Variants in STPG2 observed in about 807,000 individuals in gnomAD.
The protein encoded by STPG2 is sperm tail PG-rich repeat containing 2.
Under a neutral mutation model 54.2 loss-of-function variants are expected in STPG2, and 56 were observed. The observed-to-expected ratio is 1.03, with a 90% confidence interval of 0.83 to 1.29. The LOEUF is 1.29. Ranked by LOEUF, STPG2 falls within the 50% of genes most tolerant of loss-of-function variation. STPG2 has a pLI of 0.00. For synonymous variants in STPG2, 200 were observed against 181.8 expected (o/e 1.10, Z -0.81); for missense variants, 596 against 544.9 (o/e 1.09, Z -0.93).
At chr4:97,458,551 C>T (rs1729583244) in intron 4 of STPG2, among the ~76,000 whole-genome samples, 1 of 152,042 alleles carries the variant, frequency 6.6e-6, no homozygotes, top group Admixed American at 6.5e-5. Context: ...TTGCTTAAAA[C>T]TTTTCAGTCA....
intron 10 of STPG2, among the ~76,000 whole-genome samples, chr4:97,583,836 A>AAT (rs1339078149): frequency 1.3e-5 from 2 of 151,980 alleles, no homozygotes; most frequent in Admixed American, 6.6e-5. Context: ...CATAATCCTA[A>AAT]ATATATATGC....
intron 9 of STPG2, among the ~76,000 whole-genome samples, chr4:97,827,062 A>G (rs775951072): frequency 3.3e-5 from 5 of 152,288 alleles, no homozygotes; most frequent in Admixed American, 6.5e-5. Flanking sequence ...AGAGGAAAAA[A>G]CTTAGAGGAA....
At chr4:97,608,889 A>G (rs1733660174) in intron 10 of STPG2, among the ~76,000 whole-genome samples, 1 of 152,188 alleles carries the variant, frequency 6.6e-6, no homozygotes, top group African/African-American at 2.4e-5. Flanking sequence ...CATGAATTTC[A>G]GTGTACCAGA....
chr4:97,958,843 G>A (rs1362941436), intron 7 of STPG2, among the ~76,000 whole-genome samples: 2 of 152,064 alleles, frequency 1.3e-5, no homozygotes, highest in East Asian at 1.9e-4. Flanking sequence ...AAGAAACAAT[G>A]GATTTAAACT....
At chr4:97,608,124 G>T (rs1053983070) in intron 10 of STPG2, among the ~76,000 whole-genome samples, 6 of 151,986 alleles carry the variant, frequency 3.9e-5, no homozygotes, top group African/African-American at 1.4e-4. Flanking sequence ...CTGGAGAAAG[G>T]AAGGAAAAAC....
At chr4:97,945,200 C>T (rs951984200) in intron 7 of STPG2, among the ~76,000 whole-genome samples, 1 of 152,048 alleles carries the variant, frequency 6.6e-6, no homozygotes, top group Non-Finnish European at 1.5e-5. Flanking sequence ...TTTTATCCCC[C>T]TATTCTCCTC....
At chr4:97,799,565 T>C (rs1352387378) in intron 9 of STPG2, among the ~76,000 whole-genome samples, 7 of 152,234 alleles carry the variant, frequency 4.6e-5, no homozygotes, top group African/African-American at 1.7e-4. Context: ...GTTAGTCTGA[T>C]GGGCTTCCCT....
chr4:98,001,735 T>A (rs2149276119), intron 5 of STPG2, among the ~76,000 whole-genome samples: 1 of 152,292 alleles, frequency 6.6e-6, no homozygotes, highest in Non-Finnish European at 1.5e-5. Context: ...AGGAGCAGCA[T>A]TTAATCAGCC....
intron 9 of STPG2, among the ~76,000 whole-genome samples, chr4:97,716,332 G>C (rs1348969244): frequency 1.3e-5 from 2 of 152,030 alleles, no homozygotes; most frequent in Non-Finnish European, 2.9e-5. Flanking sequence ...ATTTGACCCA[G>C]CAATCCCATT....
chr4:98,076,011 C>T (rs939333050), intron 5 of STPG2, among the ~76,000 whole-genome samples: 4 of 152,024 alleles, frequency 2.6e-5, no homozygotes, highest in African/African-American at 9.7e-5. Context: ...TTGGGAGGCC[C>T]AGGCGGGCAG....
At chr4:98,029,466 G>A (rs1440822493) in intron 5 of STPG2, among the ~76,000 whole-genome samples, 2 of 151,858 alleles carry the variant, frequency 1.3e-5, no homozygotes, top group Non-Finnish European at 2.9e-5. Context: ...ATTCTTATAT[G>A]TATTTTATCT....
At chr4:97,469,646 A>T (rs1729875273) in intron 4 of STPG2, among the ~76,000 whole-genome samples, 1 of 151,892 alleles carries the variant, frequency 6.6e-6, no homozygotes, top group African/African-American at 2.4e-5. Flanking sequence ...ATGAGATATA[A>T]AATTAGTTGT....
intron 10 of STPG2, among the ~76,000 whole-genome samples, chr4:97,708,136 G>T (rs1181017671): frequency 2.6e-5 from 4 of 151,984 alleles, no homozygotes; most frequent in Admixed American, 2.6e-4. Flanking sequence ...ACATGAAAGT[G>T]CAACTCATCT....
At chr4:97,838,712 T>A (rs1016114640) in intron 9 of STPG2, among the ~76,000 whole-genome samples, 1 of 151,506 alleles carries the variant, frequency 6.6e-6, no homozygotes, top group African/African-American at 2.4e-5. Context: ...CTAAATCTAT[T>A]TTAGAGCAAA....
chr4:97,719,032 ATGTTGAAC>A (rs948245008), intron 9 of STPG2, among the ~76,000 whole-genome samples: 2 of 151,982 alleles, frequency 1.3e-5, no homozygotes, highest in African/African-American at 4.8e-5. Context: ...CAGATTAGGG[ATGTTGAAC>A]TGTTGAGTAT....
intron 9 of STPG2, among the ~76,000 whole-genome samples, chr4:97,791,235 G>A (rs1454154573): frequency 1.3e-5 from 2 of 152,100 alleles, no homozygotes; most frequent in African/African-American, 4.8e-5. Flanking sequence ...ATATTGTATA[G>A]TTCAAACATA....
At chr4:97,624,544 G>T (rs369888354) in intron 10 of STPG2, among the ~76,000 whole-genome samples, 5 of 152,142 alleles carry the variant, frequency 3.3e-5, no homozygotes, top group African/African-American at 1.2e-4. Context: ...AGGTGGATAG[G>T]TTGCAAAAAA....
chr4:97,513,817 C>T (rs1396618857), intron 4 of STPG2, among the ~76,000 whole-genome samples: 2 of 152,136 alleles, frequency 1.3e-5, no homozygotes, highest in Non-Finnish European at 2.9e-5. Context: ...GGCACTAAAT[C>T]CAGATATTTC....
In STPG2 at chr4:97,575,927, C is replaced by G. The variant is rs553005907; in HGVS notation, c.1321-16810G>C. Among the ~76,000 whole-genome samples, 5 of 152,226 alleles carry G rather than the reference C, an allele frequency of 3.3e-5. No individual in the cohort carries two copies. The East Asian group carries it at 7.7e-4, about 23-fold the overall frequency. ...ATAACTTCAGTAAAGTACTAGCACA[C>G]AAAATCAATATATAAAAATCTAGCA... is the stretch of plus-strand genomic sequence containing the variant. On this transcript the variant is annotated intron_variant, in intron 10 of 10. Transcript: ENST00000295268.
Sources: allele counts gnomAD v4.1 joint callset (sites outside exome capture counted in the v4.1 genomes callset), GRCh38; gene constraint gnomAD v4.1.1; transcripts MANE v1.5; gene names NCBI Gene and HGNC (gene_info 2026-07-23, HGNC 2026-07-21).